The following FHOD3 variants were observed in gnomAD, a reference collection of about 807,000 sequenced individuals.
FHOD3 encodes FH1/FH2 domain-containing protein 3.
In FHOD3, 90 loss-of-function variants were observed where a neutral mutation model predicts 173.0. The ratio of observed to expected loss-of-function variants is 0.52; its 90% CI spans 0.44 to 0.62. The LOEUF is 0.62. Ranked by LOEUF, FHOD3 falls within the 20% of genes least tolerant of loss-of-function variation. The pLI is 0.00. For synonymous variants in FHOD3, 828 were observed against 823.0 expected, an observed-to-expected ratio of 1.01 and a Z score of -0.10; for missense variants, 1,945 against 2,034.7, an observed-to-expected ratio of 0.96 and a Z score of 0.85.
At chr18:36,645,661 C>A (rs965962392) in intron 10 of FHOD3, among the ~76,000 whole-genome samples, 28 of 152,120 alleles carry the variant, frequency 1.8e-4, no homozygotes, top group African/African-American at 6.8e-4. Flanking sequence ...ACAGATCAAT[C>A]TCTTTCCAAA....
chr18:36,418,431 A>G (rs1765515199), intron 3 of FHOD3, among the ~76,000 whole-genome samples: 1 of 152,230 alleles, frequency 6.6e-6, no homozygotes, highest in African/African-American at 2.4e-5. Flanking sequence ...AAGATATTCC[A>G]CGTTAGTTTG....
intron 1 of FHOD3, among the ~76,000 whole-genome samples, chr18:36,317,047 A>G (rs1422673129): frequency 6.6e-6 from 1 of 152,240 alleles, no homozygotes; most frequent in Non-Finnish European, 1.5e-5. Context: ...TGCAAAGGAC[A>G]TGAACTCATC....
Position 36,718,711 on chromosome 18 carries a change from C to T in FHOD3, c.3413C>T (p.Ser1138Leu), listed in dbSNP as rs1185707825. 5.0e-6 allele frequency: 8 copies of T among 1,611,668 alleles called. No homozygotes were observed. The East Asian group carries it at 1.8e-4, about 36-fold the overall frequency. Residue 1138 changes from serine to leucine, a missense_variant, in exon 19 of 29, where the codon TCA becomes TTA. Around this residue, in one of 5 missense-constraint regions of FHOD3, gnomAD observed 231 missense variants for 321.9 expected, o/e 0.72. Coordinates refer to ENST00000590592, the MANE Select transcript of FHOD3 (RefSeq NM_001281740.3). ...FESKSKELSVSKKTAADGKRQ... is the reference protein window; with the variant it reads ...FESKSKELSVLKKTAADGKRQ... ...TCTAAATCCAAGGAACTGTCTGTCT[C>T]AAAGGTACTGCTAGTCTTCAGCATG...
chr18:36,553,198 A>C (rs975097141), intron 5 of FHOD3, among the ~76,000 whole-genome samples: 7 of 152,186 alleles, frequency 4.6e-5, no homozygotes, highest in Non-Finnish European at 8.8e-5. Context: ...AAGCTTTTTG[A>C]TGTGCTGCTG....
At chr18:36,728,871 T>C (rs2041207733) in intron 19 of FHOD3, among the ~76,000 whole-genome samples, 1 of 152,162 alleles carries the variant, frequency 6.6e-6, no homozygotes. Context: ...AGTTGCTCAG[T>C]GGGAACCTGC....
In FHOD3 at chr18:36,658,134, T is replaced by A. The variant is rs1211144968; in HGVS notation, c.1781T>A (p.Val594Glu). ...HSSRPSSGSSVPTTPTSSVSP... is the reference protein window; with the variant it reads ...HSSRPSSGSSEPTTPTSSVSP... The stretch of plus-strand genomic sequence containing the variant: ...TCAAGACCCTCATCTGGATCCAGTG[T>A]GCCCACCACCCCCACATCATCCGTC... Residue 594 changes from valine (V) to glutamate (E), a missense_variant, in exon 14 of 29, where the codon GTG becomes GAG. Val to Glu is a moderately radical substitution (Grantham distance 121). Transcript: ENST00000590592. 1.9e-6 allele frequency: 3 copies of A among 1,595,996 alleles called. No homozygotes were observed. The highest frequency in any genetic ancestry group is 2.6e-6 in the Non-Finnish European group (3 of 1,173,370).
intron 14 of FHOD3, among the ~76,000 whole-genome samples, chr18:36,664,561 G>C (rs1448415811): frequency 1.3e-5 from 2 of 152,094 alleles, no homozygotes; most frequent in Non-Finnish European, 2.9e-5. Context: ...AAGTGACTGT[G>C]GGCCCTAGGG....
rs188611609 is a variant in FHOD3 at position 36,435,942 on chromosome 18, A to G, written c.337+63198A>G. Among the ~76,000 whole-genome samples the G allele has an allele frequency of 1.4e-3, 212 of 152,326 alleles. 2 individuals are homozygous for G. Among genetic ancestry groups the G allele is most frequent in the Middle Eastern group, 6.8e-3 (2 of 294 alleles). On this transcript the variant is annotated intron_variant, in intron 3 of 28. Transcript: ENST00000590592. ...TTGCAACGACAGAAAAATATTCTAG[A>G]GAAGCCCCATGGATTAAAGAGCTTT... is the stretch of plus-strand genomic sequence containing the variant.
rs551038621 is a variant in FHOD3, at chr18:36,479,571, G to A, written c.338-22361G>A. 6.7e-5 allele frequency among the ~76,000 whole-genome samples: 10 copies of A among 148,498 alleles called. No homozygotes were observed. In the South Asian group the frequency reaches 2.2e-3, roughly 32 times the overall value. On this transcript the variant is annotated intron_variant, in intron 3 of 28. Coordinates refer to ENST00000590592, the MANE Select transcript of FHOD3 (RefSeq NM_001281740.3). ...TGTAAGGAACATTCAGTTGCTCAGG[G>A]CCATTTTAGGAATGTGTACTATAAA...
intron 3 of FHOD3, among the ~76,000 whole-genome samples, chr18:36,448,740 C>A (rs1311384494): frequency 6.6e-6 from 1 of 152,136 alleles, no homozygotes; most frequent in Non-Finnish European, 1.5e-5. Context: ...GGATGGGAGC[C>A]TGCTGAGATG....
At chr18:36,706,749 T>A (rs946559740) in intron 17 of FHOD3, among the ~76,000 whole-genome samples, 1 of 152,226 alleles carries the variant, frequency 6.6e-6, no homozygotes, top group Admixed American at 6.5e-5. Context: ...CTGTCTGTAA[T>A]GAAGCCGCCA....
At chr18:36,618,092 T>C (rs1180345621) in intron 9 of FHOD3, among the ~76,000 whole-genome samples, 1 of 152,134 alleles carries the variant, frequency 6.6e-6, no homozygotes, top group Non-Finnish European at 1.5e-5. Flanking sequence ...TTTTGTTGAT[T>C]TTTTTTCAAG....
At chr18:36,592,611 C>G (rs915095647) in intron 6 of FHOD3, among the ~76,000 whole-genome samples, 1 of 152,126 alleles carries the variant, frequency 6.6e-6, no homozygotes, top group African/African-American at 2.4e-5. Context: ...ACTCTGGCTG[C>G]GGTTTGGAGA....
intron 11 of FHOD3, 125 bp downstream of exon 11, chr18:36,649,530 C>G (rs1331465050): frequency 1.6e-6 from 1 of 624,014 alleles, no homozygotes; most frequent in African/African-American, 1.9e-5. Flanking sequence ...CTCTTACTTA[C>G]CCTGTTCACA....
chr18:36,370,016 A>G (rs1348449524), intron 2 of FHOD3, among the ~76,000 whole-genome samples: 7 of 152,206 alleles, frequency 4.6e-5, no homozygotes, highest in Non-Finnish European at 2.9e-5. Context: ...ACACAGAAGT[A>G]GTACCTACAT....
In FHOD3 at chr18:36,367,996, G is replaced by A. The variant is rs145278572; in HGVS notation, c.273-4684G>A. 1.4e-4 allele frequency among the ~76,000 whole-genome samples: 21 copies of A among 151,834 alleles called. 1 individual carries two copies. The East Asian group carries it at 3.3e-3, about 24-fold the overall frequency. On this transcript the variant is annotated intron_variant, in intron 2 of 28. Transcript: ENST00000590592. ...TCCACCATGATGGTGAATTTCCTGA[G>A]CCTCCCCAGCCATGTGGAACTGTGA... is the stretch of plus-strand genomic sequence containing the variant.
intron 15 of FHOD3, among the ~76,000 whole-genome samples, chr18:36,683,867 C>G (rs1210205803): frequency 6.6e-6 from 1 of 152,200 alleles, no homozygotes; most frequent in East Asian, 1.9e-4. Flanking sequence ...ACTTTGCTCT[C>G]CTCCTGCTAT....
chr18:36,728,297 A>G (rs921083028), intron 19 of FHOD3, among the ~76,000 whole-genome samples: 6 of 152,218 alleles, frequency 3.9e-5, no homozygotes, highest in African/African-American at 2.4e-5. Context: ...TAGTTGTAAC[A>G]TCCTTCTTTG....
intron 17 of FHOD3, among the ~76,000 whole-genome samples, chr18:36,694,738 A>C (rs953921244): frequency 6.6e-6 from 1 of 152,238 alleles, no homozygotes; most frequent in Non-Finnish European, 1.5e-5. Flanking sequence ...TGTGAAGTAC[A>C]GAACAGCTCC....
Sources: allele counts gnomAD v4.1 joint callset (sites outside exome capture counted in the v4.1 genomes callset), GRCh38; gene constraint gnomAD v4.1.1; regional missense constraint gnomAD v4.1.1; transcripts MANE v1.5; gene names NCBI Gene and HGNC (gene_info 2026-07-23, HGNC 2026-07-21).